RBMS3: variants seen among roughly 807,000 people sequenced by gnomAD.
RBMS3 encodes the protein RNA-binding motif, single-stranded-interacting protein 3.
RBMS3 carries 27 observed loss-of-function variants against 66.8 expected under a neutral mutation model. The ratio of observed to expected loss-of-function variants is 0.40; its 90% confidence interval spans 0.30 to 0.56. RBMS3 has a LOEUF of 0.56. Among genes scored for constraint, RBMS3 ranks in the 20% least tolerant of loss-of-function variants. RBMS3 has a pLI of 0.40. For missense variants in RBMS3, 513 were observed against 549.5 expected, an observed-to-expected ratio of 0.93 and a Z score of 0.66; for synonymous variants, 188 against 183.0, an observed-to-expected ratio of 1.03 and a Z score of -0.22.
At chr3:29,284,870 T>TC in intron 1 of RBMS3, among the ~76,000 whole-genome samples, 1 of 147,662 alleles carries the variant, frequency 6.8e-6, no homozygotes, top group East Asian at 2.0e-4. Flanking sequence ...TTCTTTTTTT[T>TC]TTTTTTTTTT....
intron 6 of RBMS3, among the ~76,000 whole-genome samples, chr3:29,861,892 T>C (rs1310471012): frequency 6.6e-6 from 1 of 152,218 alleles, no homozygotes; most frequent in Non-Finnish European, 1.5e-5. Flanking sequence ...CCCATTTGCA[T>C]CATAGACCAT....
At chr3:29,431,036 G>A (rs532526605) in intron 1 of RBMS3, among the ~76,000 whole-genome samples, 3 of 152,284 alleles carry the variant, frequency 2.0e-5, no homozygotes, top group South Asian at 2.1e-4. Context: ...GTTTTGTGAG[G>A]ATTCCAAGAA....
At chr3:29,501,723 A>G (rs2043981627) in intron 3 of RBMS3, among the ~76,000 whole-genome samples, 1 of 152,134 alleles carries the variant, frequency 6.6e-6, no homozygotes, top group African/African-American at 2.4e-5. Context: ...CAGTGGACCA[A>G]ATAAAACAGA....
intron 4 of RBMS3, among the ~76,000 whole-genome samples, chr3:29,682,733 C>A (rs2149262312): frequency 6.6e-6 from 1 of 152,086 alleles, no homozygotes; most frequent in East Asian, 1.9e-4. Flanking sequence ...TTTTTGTGTC[C>A]TATTAAAACA....
chr3:29,582,276 A>T (rs2047360090), intron 3 of RBMS3, among the ~76,000 whole-genome samples: 1 of 152,190 alleles, frequency 6.6e-6, no homozygotes, highest in Admixed American at 6.5e-5. Context: ...TTAAATTAAC[A>T]CACAGGGTTT....
At chr3:29,921,784 G>A (rs1211790483) in intron 10 of RBMS3, among the ~76,000 whole-genome samples, 2 of 152,156 alleles carry the variant, frequency 1.3e-5, no homozygotes, top group African/African-American at 4.8e-5. Flanking sequence ...GTTTTTAGAT[G>A]CAATCCGGTG....
intron 1 of RBMS3, among the ~76,000 whole-genome samples, chr3:29,348,905 T>G (rs537021842): frequency 6.6e-6 from 1 of 152,194 alleles, no homozygotes; most frequent in Non-Finnish European, 1.5e-5. Context: ...GAGAGTAAGA[T>G]GCTTGGTGCT....
intron 8 of RBMS3, among the ~76,000 whole-genome samples, chr3:29,886,477 T>C (rs750556179): frequency 2.6e-5 from 4 of 151,856 alleles, no homozygotes; most frequent in Admixed American, 6.6e-5. Flanking sequence ...TGGCATAGAT[T>C]ATCCAGGATG....
intron 3 of RBMS3, among the ~76,000 whole-genome samples, chr3:29,548,593 ACTT>A (rs2046064258): frequency 2.0e-5 from 3 of 152,104 alleles, no homozygotes; most frequent in Admixed American, 2.0e-4. Context: ...TAACAACAGT[ACTT>A]TATAAGAAAA....
intron 4 of RBMS3, among the ~76,000 whole-genome samples, chr3:29,655,676 T>A (rs2050299824): frequency 6.6e-6 from 1 of 152,216 alleles, no homozygotes; most frequent in Non-Finnish European, 1.5e-5. Flanking sequence ...TTGGTTGACA[T>A]ACTTACTATC....
chr3:29,898,906 A>T (rs2060188893), intron 9 of RBMS3, among the ~76,000 whole-genome samples: 1 of 151,422 alleles, frequency 6.6e-6, no homozygotes, highest in Admixed American at 6.6e-5. Flanking sequence ...GTGGAATTTA[A>T]CTCTAGCTCC....
At chr3:29,716,814 G>T (rs2053419079) in intron 4 of RBMS3, among the ~76,000 whole-genome samples, 2 of 152,208 alleles carry the variant, frequency 1.3e-5, no homozygotes, top group Middle Eastern at 3.4e-3. Flanking sequence ...TGGAAACTTA[G>T]TTAATAGTCT....
intron 4 of RBMS3, among the ~76,000 whole-genome samples, chr3:29,682,223 G>T (rs2051528538): frequency 6.6e-6 from 1 of 152,226 alleles, no homozygotes; most frequent in Admixed American, 6.5e-5. Context: ...TTGGCTCACT[G>T]TAACCTCCTA....
intron 6 of RBMS3, among the ~76,000 whole-genome samples, chr3:29,769,757 A>C (rs2056115680): frequency 6.6e-6 from 1 of 151,952 alleles, no homozygotes; most frequent in Non-Finnish European, 1.5e-5. Context: ...ATTAAATGAC[A>C]ATCATACATA....
intron 1 of RBMS3, among the ~76,000 whole-genome samples, chr3:29,340,524 CAT>C (rs1450318711): frequency 6.6e-6 from 1 of 152,140 alleles, no homozygotes; most frequent in Non-Finnish European, 1.5e-5. Context: ...ATCTCAAAAT[CAT>C]ATGTGTTCAT....
intron 6 of RBMS3, among the ~76,000 whole-genome samples, chr3:29,786,689 CT>C (rs2056832427): frequency 6.6e-6 from 1 of 152,100 alleles, no homozygotes. Context: ...CAAAAATCAA[CT>C]CGAGATGGAT....
intron 8 of RBMS3, among the ~76,000 whole-genome samples, chr3:29,893,243 A>G (rs1382053130): frequency 1.3e-5 from 2 of 151,450 alleles, no homozygotes; most frequent in Non-Finnish European, 3.0e-5. Flanking sequence ...TTCTTGTTTG[A>G]TGGATAGGAT....
chr3:29,786,113 A>AAT (rs35219640), intron 6 of RBMS3, among the ~76,000 whole-genome samples: 8,020 of 149,662 alleles, frequency 0.054, 472 homozygotes, highest in African/African-American at 0.13. Flanking sequence ...AAAAAAAAAA[A>AAT]ACTTAGAAAT....
chr3:29,623,181 G>GT (rs1491572913), intron 4 of RBMS3, among the ~76,000 whole-genome samples: 8 of 125,564 alleles, frequency 6.4e-5, no homozygotes, highest in Non-Finnish European at 1.3e-4. Flanking sequence ...TGGGGGGGGG[G>GT]GTCTAAATTA....
Sources: gnomAD v4.1 joint callset for allele counts (sites outside exome capture counted in the v4.1 genomes callset) on GRCh38, gnomAD v4.1.1 for gene constraint, MANE v1.5 for transcripts, NCBI Gene and HGNC (gene_info 2026-07-23, HGNC 2026-07-21) for gene names.